ZFP64: variants seen among roughly 807,000 people sequenced by gnomAD.
ZFP64 encodes ZFP64 zinc finger protein.
ZFP64 carries 14 observed loss-of-function variants against 51.6 expected under a neutral mutation model. The observed-to-expected ratio is 0.27, with a 90% CI of 0.18 to 0.42. The LOEUF (loss-of-function observed/expected upper bound fraction) is 0.42, where lower values mean the gene tolerates loss of function less well. ZFP64 is among the 10% of genes least tolerant of loss of function. ZFP64 has a pLI of 1.00. For synonymous variants in ZFP64, 375 were observed against 361.4 expected (o/e 1.04, Z -0.43); for missense variants, 754 against 906.8 (o/e 0.83, Z 2.16).
At chr20:52,123,816 G>T (rs1600728410) in intron 5 of ZFP64, among the ~76,000 whole-genome samples, 1 of 151,888 alleles carries the variant, frequency 6.6e-6, no homozygotes, top group East Asian at 1.9e-4. Flanking sequence ...AGCCCCTAGA[G>T]GGTGGTATGT....
chr20:52,181,790 C>T (rs917785505), intron 2 of ZFP64, among the ~76,000 whole-genome samples: 7 of 152,220 alleles, frequency 4.6e-5, no homozygotes, highest in Admixed American at 3.9e-4. Flanking sequence ...GTATCCTTAA[C>T]AAGCTCCCAG....
At chr20:52,166,662 C>G (rs1033127283) in intron 2 of ZFP64, among the ~76,000 whole-genome samples, 1 of 151,964 alleles carries the variant, frequency 6.6e-6, no homozygotes, top group African/African-American at 2.4e-5. Flanking sequence ...CGCCATGCTG[C>G]GCGGGCTGGT....
chr20:52,171,027 C>T (rs553300020), intron 2 of ZFP64, among the ~76,000 whole-genome samples: 31 of 152,328 alleles, frequency 2.0e-4, no homozygotes, highest in African/African-American at 7.5e-4. Context: ...GAATATAAAA[C>T]ATGGAAGCAT....
intron 5 of ZFP64, among the ~76,000 whole-genome samples, chr20:52,134,115 C>A (rs1465361919): frequency 2.6e-5 from 4 of 151,558 alleles, no homozygotes; most frequent in South Asian, 4.2e-4. Context: ...AATGCTAAGG[C>A]AGATTTACTG....
rs11409645 is a variant in ZFP64 at position 52,119,520 on chromosome 20, TAAAAA to T, written c.764-20938_764-20934del. Among the ~76,000 whole-genome samples, 981 of 100,280 alleles carry T rather than the reference TAAAAA, an allele frequency of 9.8e-3. 16 individuals are homozygous for T. The highest frequency in any genetic ancestry group is 0.037 in the African/African-American group (896 of 24,058). The allele number at this position is 100,280 out of a possible 152,430, so 65.8% of individuals were successfully genotyped here. A position where few individuals can be genotyped will look rare whatever the true frequency, so the allele number is the denominator to read the frequency against. On this transcript the variant is annotated intron_variant, in intron 5 of 8. Coordinates refer to the ZFP64 transcript ENST00000361387. Reference sequence around the variant, plus strand: ...CTGGGAAACAGAGTGAGACTTCATCTAAAAAAAAAAAAAATATATATATATATATA... The same window carrying T: ...CTGGGAAACAGAGTGAGACTTCATCTAAAAAAAAATATATATATATATATA...
chr20:52,176,729 T>C (rs910256046), intron 2 of ZFP64, among the ~76,000 whole-genome samples: 1 of 151,816 alleles, frequency 6.6e-6, no homozygotes, highest in African/African-American at 2.4e-5. Flanking sequence ...CAGGATGGTC[T>C]CTATCTCCTG....
intron 5 of ZFP64, among the ~76,000 whole-genome samples, chr20:52,107,039 A>G (rs1296790823): frequency 6.6e-6 from 1 of 152,230 alleles, no homozygotes; most frequent in African/African-American, 2.4e-5. Flanking sequence ...TGGAGCCGAG[A>G]TCGCGCCACT....
At chr20:52,151,165 G>A, downstream of ZFP64, 1 of 866,166 alleles carries the variant, frequency 1.2e-6, no homozygotes, top group Non-Finnish European at 1.4e-6. Flanking sequence ...ATGATTGTGT[G>A]ACGTTTATGA....
At chr20:52,117,877 T>C (rs1978961882) in intron 5 of ZFP64, among the ~76,000 whole-genome samples, 1 of 152,118 alleles carries the variant, frequency 6.6e-6, no homozygotes, top group Middle Eastern at 3.4e-3. Flanking sequence ...CTCACTGCAG[T>C]CTCAACCCCC....
intron 5 of ZFP64, among the ~76,000 whole-genome samples, chr20:52,112,822 G>A (rs1271371118): frequency 4.0e-5 from 6 of 151,808 alleles, no homozygotes; most frequent in Non-Finnish European, 7.4e-5. Context: ...TCACCATGTT[G>A]CCCAGGCTGG....
At chr20:52,123,728 A>G (rs951017352) in intron 5 of ZFP64, among the ~76,000 whole-genome samples, 3 of 152,208 alleles carry the variant, frequency 2.0e-5, no homozygotes, top group Non-Finnish European at 2.9e-5. Flanking sequence ...CCTCATAAAC[A>G]TTGGAGTCCT....
intron 2 of ZFP64, among the ~76,000 whole-genome samples, chr20:52,172,795 C>T (rs1473752490): frequency 6.6e-6 from 1 of 152,148 alleles, no homozygotes; most frequent in Non-Finnish European, 1.5e-5. Flanking sequence ...TTAGTGAGAT[C>T]AGACCCTGTC....
At chr20:52,092,396 G>T (rs772748301) in intron 7 of ZFP64, among the ~76,000 whole-genome samples, 1 of 152,148 alleles carries the variant, frequency 6.6e-6, no homozygotes, top group Non-Finnish European at 1.5e-5. Flanking sequence ...ATACCTAGTT[G>T]AAAACCATTC....
rs1359165275 is a variant in ZFP64 at position 52,144,343 on chromosome 20, G to C, written c.763+15780C>G. ...ACCTACAATCCCAGCACTTTGGGAG[G>C]CCAAGGCGGGCAGATCACGAGGTCA... On this transcript the variant is annotated intron_variant, in intron 5 of 8. Transcript: ENST00000361387. 1.4e-5 allele frequency among the ~76,000 whole-genome samples: 2 copies of C among 141,182 alleles called. 1 individual carries two copies. The highest frequency in any genetic ancestry group is 3.1e-5 in the Non-Finnish European group (2 of 63,798). The allele number at this position is 141,182 out of a possible 152,430, so 92.6% of individuals were successfully genotyped here. A position where few individuals can be genotyped will look rare whatever the true frequency, so the allele number is the denominator to read the frequency against.
Position 52,187,905 on chromosome 20 carries a change from C to T in ZFP64, c.47-834G>A, listed in dbSNP as rs548764010. Among the ~76,000 whole-genome samples the T allele has an allele frequency of 1.8e-4, 27 of 152,304 alleles. No homozygotes were observed. The South Asian group carries it at 4.1e-3, about 23-fold the overall frequency. On this transcript the variant is annotated intron_variant, in intron 1 of 5. Coordinates refer to ENST00000216923, the MANE Select transcript of ZFP64 (RefSeq NM_018197.3). ...AGGTAATTGTGAAAACTGATCCTCC[C>T]GCACATTTCCAAACATACTCACCCA... is the stretch of plus-strand genomic sequence containing the variant.
At chr20:52,135,827 G>A (rs530619950) in intron 5 of ZFP64, among the ~76,000 whole-genome samples, 8 of 151,898 alleles carry the variant, frequency 5.3e-5, no homozygotes, top group Non-Finnish European at 1.0e-4. Flanking sequence ...GGCTGGGTTC[G>A]GTGGCTCACG....
chr20:52,159,849 G>A (rs1025077283), intron 5 of ZFP64, among the ~76,000 whole-genome samples: 7 of 152,102 alleles, frequency 4.6e-5, no homozygotes, highest in Non-Finnish European at 7.3e-5. Flanking sequence ...TTAGCTGGAC[G>A]TGGTGCAACA....
chr20:52,124,655 CCTGGAGTACAGTGGTGCAATCA>C (rs1239327755), intron 5 of ZFP64, among the ~76,000 whole-genome samples: 1 of 151,828 alleles, frequency 6.6e-6, no homozygotes, highest in East Asian at 1.9e-4. Flanking sequence ...CATCACCCAG[CCTGGAGTACAGTGGTGCAATCA>C]CTGCTCACTG....
rs34646115 is a variant in ZFP64 at position 52,102,107 on chromosome 20, C to CAAAAAA, written c.764-3526_764-3521dup. On this transcript the variant is annotated intron_variant, in intron 5 of 8. Transcript: ENST00000361387. ...AGCCTGGTGAGAGTAACTCCATCTC[C>CAAAAAA]AAAAAAAAAAAAAAAAAAGGCAGCA... Among the ~76,000 whole-genome samples the CAAAAAA allele has an allele frequency of 1.4e-3, 89 of 63,390 alleles. 2 individuals are homozygous for CAAAAAA. Among genetic ancestry groups the CAAAAAA allele is most frequent in the African/African-American group, 2.4e-3 (36 of 14,710 alleles). 41.6% of individuals were successfully genotyped at this position (63,390 alleles called of 152,430 possible). A position where few individuals can be genotyped will look rare whatever the true frequency, so the allele number is the denominator to read the frequency against.
Sources: allele counts gnomAD v4.1 joint callset (sites outside exome capture counted in the v4.1 genomes callset), GRCh38; gene constraint gnomAD v4.1.1; transcripts MANE v1.5; gene names NCBI Gene and HGNC (gene_info 2026-07-23, HGNC 2026-07-21).